ANKRD30B: variants seen among roughly 807,000 people sequenced by gnomAD.
The protein encoded by ANKRD30B is ankyrin repeat domain 30B.
Under a neutral mutation model 202.2 loss-of-function variants are expected in ANKRD30B, and 144 were observed. The ratio of observed to expected loss-of-function variants is 0.71; its 90% CI spans 0.62 to 0.82. The LOEUF is 0.82. Ranked by LOEUF, ANKRD30B falls within the 40% of genes least tolerant of loss-of-function variation. The pLI is 0.00. For missense variants in ANKRD30B, 1,487 were observed against 1,669.1 expected (o/e 0.89, Z 1.90); for synonymous variants, 508 against 561.3 (o/e 0.91, Z 1.34).
the ANKRD30B span, among the ~76,000 whole-genome samples, chr18:14,937,126 C>G: frequency 1.3e-5 from 2 of 152,196 alleles, no homozygotes; most frequent in South Asian, 4.1e-4. Context: ...AAAGAGCTTA[C>G]TCCCTACAGC....
the ANKRD30B span, chr18:14,883,656 G>A: frequency 2.7e-5 from 4 of 149,700 alleles, no homozygotes; most frequent in African/African-American, 9.9e-5. Context: ...TCTTGAGGTA[G>A]GGCAGCCAAA....
At chr18:14,876,164 G>GAA in the ANKRD30B span, among the ~76,000 whole-genome samples, 97 of 147,380 alleles carry the variant, frequency 6.6e-4, 1 homozygote, top group South Asian at 0.01. Context: ...CATAGATCTG[G>GAA]AAAAAAAAAA....
At chr18:14,865,197 A>T in the ANKRD30B span, among the ~76,000 whole-genome samples, 1 of 148,636 alleles carries the variant, frequency 6.7e-6, no homozygotes, top group African/African-American at 2.5e-5. Flanking sequence ...CTTTTCGCAA[A>T]ACCTTTTCAC....
chr18:14,841,184 T>C (rs1422266920), intron 37 of ANKRD30B, among the ~76,000 whole-genome samples: 2 of 152,222 alleles, frequency 1.3e-5, no homozygotes, highest in African/African-American at 2.4e-5. Context: ...TTGTGTTTTA[T>C]CTGCAGTATG....
chr18:14,931,932 C>A, the ANKRD30B span, among the ~76,000 whole-genome samples: 6 of 134,054 alleles, frequency 4.5e-5, no homozygotes, highest in South Asian at 4.9e-4. Context: ...CTGCTCTGTC[C>A]CGGGCCCCCC....
the ANKRD30B span, among the ~76,000 whole-genome samples, chr18:14,881,810 A>C: frequency 6.6e-6 from 1 of 151,812 alleles, no homozygotes; most frequent in Non-Finnish European, 1.5e-5. Flanking sequence ...GGGGTATCTA[A>C]TTCTTCCTGA....
chr18:14,884,418 G>A, the ANKRD30B span, among the ~76,000 whole-genome samples: 8 of 152,076 alleles, frequency 5.3e-5, no homozygotes, highest in East Asian at 1.4e-3. Context: ...AGGCTCATGA[G>A]CCACATAAAC....
chr18:14,890,351 T>A, the ANKRD30B span, among the ~76,000 whole-genome samples: 132 of 152,056 alleles, frequency 8.7e-4, no homozygotes, highest in African/African-American at 3.1e-3. Context: ...ATATTTGAGT[T>A]CAGCTTTTTA....
At position 14,772,216 on chromosome 18, in the gene ANKRD30B, T is replaced by C. The variant is rs1176206230; in HGVS notation, c.1317T>C (p.Asn439=). 6.6e-7 allele frequency: 1 copy of C among 1,503,768 alleles called. No individual in the cohort carries two copies. The highest frequency in any genetic ancestry group is 1.4e-5 in the African/African-American group (1 of 72,056). The allele number at this position is 1,503,768 out of a possible 1,614,324, so 93.2% of individuals were successfully genotyped here. ...SQCTKVEEDF[N]LATKIISKSA... ...GTACAAAAGTTGAGGAAGACTTTAA[T>C]CTTGCTACCAAGGTAAAATGTTCTT... Residue 439 remains asparagine, a synonymous_variant, in exon 9 of 44, where the codon AAT becomes AAC. Transcript: ENST00000690538.
the ANKRD30B span, among the ~76,000 whole-genome samples, chr18:14,861,840 C>G: frequency 1.9e-4 from 29 of 152,184 alleles, no homozygotes; most frequent in Non-Finnish European, 3.7e-4. Context: ...GTACATTTTT[C>G]TCATTTGCAC....
chr18:14,790,774 C>G (rs907457921), intron 15 of ANKRD30B, among the ~76,000 whole-genome samples: 18 of 151,966 alleles, frequency 1.2e-4, no homozygotes, highest in Admixed American at 9.8e-4. Flanking sequence ...TTTTGATGTG[C>G]TGCTGGATTC....
At chr18:14,887,194 T>C in the ANKRD30B span, among the ~76,000 whole-genome samples, 1 of 152,122 alleles carries the variant, frequency 6.6e-6, no homozygotes, top group African/African-American at 2.4e-5. Context: ...GAAATTCATC[T>C]TTGTAATAAT....
chr18:14,799,164 C>T (rs1568025614), intron 21 of ANKRD30B, 35 bp downstream of exon 21: 2 of 1,589,118 alleles, frequency 1.3e-6, no homozygotes, highest in South Asian at 2.2e-5. Flanking sequence ...TGAATATTAC[C>T]TACATATTTT....
intron 20 of ANKRD30B, among the ~76,000 whole-genome samples, chr18:14,798,167 T>G (rs36069748): frequency 2.0e-5 from 3 of 150,836 alleles, no homozygotes; most frequent in African/African-American, 4.9e-5. Flanking sequence ...GTGAAAGCTG[T>G]GTCCAGGAGA....
intron 30 of ANKRD30B, among the ~76,000 whole-genome samples, chr18:14,819,838 C>A (rs1031072843): frequency 6.6e-6 from 1 of 152,010 alleles, no homozygotes; most frequent in Admixed American, 6.6e-5. Flanking sequence ...ATTGACTTGG[C>A]GACACGGGCT....
chr18:14,934,083 TA>T, the ANKRD30B span, among the ~76,000 whole-genome samples: 1,206 of 152,228 alleles, frequency 7.9e-3, 11 homozygotes, highest in African/African-American at 0.028. Flanking sequence ...TGGGCAGCCA[TA>T]AAAAGCAAGC....
intron 9 of ANKRD30B, among the ~76,000 whole-genome samples, chr18:14,777,528 C>T (rs1338524869): frequency 1.3e-5 from 2 of 151,874 alleles, no homozygotes; most frequent in Non-Finnish European, 2.9e-5. Flanking sequence ...GATCTCTTGA[C>T]CTCGTGATCC....
intron 30 of ANKRD30B, among the ~76,000 whole-genome samples, chr18:14,820,900 CT>C (rs1970380548): frequency 6.6e-6 from 1 of 152,150 alleles, no homozygotes; most frequent in African/African-American, 2.4e-5. Context: ...GGAGGATTCC[CT>C]CTTTTTCTAT....
At chr18:14,927,452 T>A in the ANKRD30B span, among the ~76,000 whole-genome samples, 26 of 152,318 alleles carry the variant, frequency 1.7e-4, no homozygotes, top group East Asian at 5.0e-3. Context: ...GAGCATTCAA[T>A]GCATCTTACT....
Sources: allele counts gnomAD v4.1 joint callset (sites outside exome capture counted in the v4.1 genomes callset), GRCh38; gene constraint gnomAD v4.1.1; transcripts MANE v1.5; gene names NCBI Gene and HGNC (gene_info 2026-07-23, HGNC 2026-07-21).